The following RALGAPA1 variants were observed in gnomAD, a reference collection of about 807,000 sequenced individuals.
The protein encoded by RALGAPA1 is ral GTPase-activating protein subunit alpha-1.
A neutral mutation model predicts 269.6 loss-of-function variants in RALGAPA1; 52 were observed. The ratio of observed to expected loss-of-function variants is 0.19; its 90% CI spans 0.15 to 0.24. The LOEUF is 0.24. RALGAPA1 is among the 10% of genes least tolerant of loss of function. The probability of loss-of-function intolerance (pLI) is 1.00; values close to 1 mark genes in which losing one functional copy is unlikely to be tolerated. For synonymous variants in RALGAPA1, 817 were observed against 1,008.3 expected, an observed-to-expected ratio of 0.81 and a Z score of 3.60; for missense variants, 1,917 against 3,013.9, an observed-to-expected ratio of 0.64 and a Z score of 8.52.
intron 37 of RALGAPA1, among the ~76,000 whole-genome samples, chr14:35,592,466 A>C (rs978991630): frequency 6.6e-6 from 1 of 152,228 alleles, no homozygotes; most frequent in African/African-American, 2.4e-5. Context: ...TCTTCCAAAA[A>C]ACAGAGTGAA....
At position 35,689,668 on chromosome 14, in the gene RALGAPA1, T is replaced by C. The variant is rs1228761680; in HGVS notation, c.2743A>G (p.Ile915Val). The change falls in exon 18 of 42, where the codon ATA becomes GTA. Residue 915 changes from isoleucine (I) to valine (V), a missense_variant. This residue lies in a region of RALGAPA1 where 615 missense variants were observed against 790.0 expected (regional missense o/e 0.78). Coordinates refer to ENST00000680220, the MANE Select transcript of RALGAPA1 (RefSeq NM_001346249.2). Reference sequence around the variant, plus strand: ...GAATCTGCAAGTTCTACTGGACCTATTAAATGACAAAGATGGTCATATATG... The same window carrying C: ...GAATCTGCAAGTTCTACTGGACCTACTAAATGACAAAGATGGTCATATATG... Reference protein sequence around the residue: ...DSIYDHLCHLIGPVELADSAF... With the variant: ...DSIYDHLCHLVGPVELADSAF... 2 of 1,325,038 alleles carry C rather than the reference T, an allele frequency of 1.5e-6. No homozygotes were observed. The highest frequency in any genetic ancestry group is 1.9e-6 in the Non-Finnish European group (2 of 1,040,734). 82.1% of individuals were successfully genotyped at this position (1,325,038 alleles called of 1,614,324 possible). A position where few individuals can be genotyped will look rare whatever the true frequency, so the allele number is the denominator to read the frequency against.
chr14:35,776,503 T>C (rs1480800615), intron 1 of RALGAPA1, among the ~76,000 whole-genome samples: 2 of 152,134 alleles, frequency 1.3e-5, no homozygotes, highest in African/African-American at 2.4e-5. Flanking sequence ...ACACAGACAG[T>C]ACTGCTCTAA....
At position 35,635,635 on chromosome 14, in the gene RALGAPA1, A is replaced by C. The variant is rs79683035; in HGVS notation, c.5677-37T>G. The C allele has an allele frequency of 0.014, 20,350 of 1,477,620 alleles. 1,111 individuals carry two copies. The South Asian group carries it at 0.14, about 10-fold the overall frequency. The allele number at this position is 1,477,620 out of a possible 1,614,324, so 91.5% of individuals were successfully genotyped here. On this transcript the variant is annotated intron_variant, in intron 31 of 41. Coordinates refer to ENST00000680220, the MANE Select transcript of RALGAPA1 (RefSeq NM_001346249.2). ...ATAGAATCATTATAATTGTACATTC[A>C]TAAAATATATGCTTCTTAAAAATTC... is the stretch of plus-strand genomic sequence containing the variant.
In RALGAPA1 at chr14:35,635,548, A is replaced by G; in HGVS notation, c.5727T>C (p.Pro1909=). 6.2e-7 allele frequency: 1 copy of G among 1,607,612 alleles called. No individual in the cohort carries two copies. Among genetic ancestry groups the G allele is most frequent in the Non-Finnish European group, 8.5e-7 (1 of 1,176,972 alleles). ...LCLLDWIMAL[P]LKTLLQPFHA... ...GAAATGGTTGGAGCAGTGTCTTTAG[A>G]GGTAAGGCCATGATCCAGTCCAGAA... The change falls in exon 32 of 42, where the codon CCT becomes CCC. Residue 1909 remains proline (P), a synonymous_variant. Transcript: ENST00000680220.
At chr14:35,652,955 T>A (rs2062942589) in intron 30 of RALGAPA1, among the ~76,000 whole-genome samples, 1 of 152,198 alleles carries the variant, frequency 6.6e-6, no homozygotes, top group South Asian at 2.1e-4. Flanking sequence ...TTTTTAGAAA[T>A]TATTGCCTCA....
At chr14:35,721,643 A>G in intron 16 of RALGAPA1, 45 bp downstream of exon 16, 1 of 1,501,862 alleles carries the variant, frequency 6.7e-7, no homozygotes, top group Non-Finnish European at 9.0e-7. Flanking sequence ...AAGGACTATA[A>G]ATGTAGTGCC....
rs558994276 is a variant in RALGAPA1, at chr14:35,711,225, T to A, written c.2266+10463A>T. On this transcript the variant is annotated intron_variant, in intron 16 of 41. Coordinates refer to ENST00000680220, the MANE Select transcript of RALGAPA1 (RefSeq NM_001346249.2). ...TTGGTTTATTTAGACAGCTAATGTT[T>A]AAAGTGATTACTGCTATAGTTAACA... Among the ~76,000 whole-genome samples, 40 of 152,330 alleles carry A rather than the reference T, an allele frequency of 2.6e-4. 1 individual carries two copies. Among genetic ancestry groups the A allele is most frequent in the Admixed American group, 2.4e-3 (36 of 15,306 alleles).
chr14:35,674,488 C>T, intron 23 of RALGAPA1, 28 bp downstream of exon 23: 1 of 1,553,960 alleles, frequency 6.4e-7, no homozygotes, highest in Non-Finnish European at 8.7e-7. Context: ...ATTTTCTTCT[C>T]CACTTATATC....
Position 35,686,595 on chromosome 14 carries a change from G to A in RALGAPA1, c.4024C>T (p.Pro1342Ser), listed in dbSNP as rs2065957867. The A allele has an allele frequency of 1.9e-6, 3 of 1,610,082 alleles. No individual in the cohort carries two copies. Among genetic ancestry groups the A allele is most frequent in the Non-Finnish European group, 2.5e-6 (3 of 1,178,840 alleles). ...SDIGGSSANV[P>S]DLMDEFIAER... is the part of the protein sequence containing the mutation. ...GCTATAAACTCATCCATCAGATCAG[G>A]AACATTAGCACTGCTGCCGCCAATA... Residue 1342 changes from proline (P) to serine (S), a missense_variant, in exon 19 of 42, where the codon CCT becomes TCT. By Grantham distance (74) the Pro-to-Ser change is moderately conservative. Transcript: ENST00000680220.
intron 34 of RALGAPA1, among the ~76,000 whole-genome samples, chr14:35,626,851 C>G (rs1566861169): frequency 6.6e-6 from 1 of 151,532 alleles, no homozygotes; most frequent in Non-Finnish European, 1.5e-5. Context: ...GCTATAATTT[C>G]TAAGTCAAAT....
chr14:35,781,727 C>G (rs1276985578), intron 1 of RALGAPA1, among the ~76,000 whole-genome samples: 2 of 152,004 alleles, frequency 1.3e-5, no homozygotes, highest in Non-Finnish European at 2.9e-5. Context: ...AAGGTCAAAA[C>G]TCACATGATA....
At chr14:35,626,005 G>A (rs1425046846) in intron 34 of RALGAPA1, among the ~76,000 whole-genome samples, 2 of 151,952 alleles carry the variant, frequency 1.3e-5, no homozygotes, top group Non-Finnish European at 2.9e-5. Flanking sequence ...GACAACATAC[G>A]GACCATTCTA....
At chr14:35,549,518 A>G (rs139365729) in intron 39 of RALGAPA1, among the ~76,000 whole-genome samples, 111 of 152,282 alleles carry the variant, frequency 7.3e-4, no homozygotes, top group South Asian at 3.5e-3. Flanking sequence ...AAGGAAGTTA[A>G]CAGTTTACTT....
At chr14:35,593,985 C>T (rs2058784819) in intron 37 of RALGAPA1, among the ~76,000 whole-genome samples, 1 of 151,940 alleles carries the variant, frequency 6.6e-6, no homozygotes, top group Non-Finnish European at 1.5e-5. Context: ...TAAATCCAAA[C>T]ATATACAGTA....
chr14:35,738,806 T>C (rs1001326355), intron 11 of RALGAPA1, among the ~76,000 whole-genome samples, 156 bp from the exon 12 acceptor site: 5 of 152,192 alleles, frequency 3.3e-5, no homozygotes, highest in African/African-American at 1.2e-4. Context: ...AAAAACAATG[T>C]ATATTCACTG....
In RALGAPA1 at chr14:35,700,319, G is replaced by A; in HGVS notation, c.2267-17C>T. The A allele has an allele frequency of 3.3e-6, 5 of 1,495,522 alleles. No homozygotes were observed. The highest frequency in any genetic ancestry group is 1.8e-6 in the Non-Finnish European group (2 of 1,131,728). The allele number at this position is 1,495,522 out of a possible 1,614,324, so 92.6% of individuals were successfully genotyped here. ...TTCTCATGGCTTTAAAAAAGGAAAA[G>A]AAAGAAGTGGGGAAGGAAAAAAGAA... On this transcript the variant is annotated splice_polypyrimidine_tract_variant and intron_variant, in intron 16 of 41. Coordinates refer to ENST00000680220, the MANE Select transcript of RALGAPA1 (RefSeq NM_001346249.2).
chr14:35,680,139 CTT>C (rs2065293384), intron 21 of RALGAPA1, among the ~76,000 whole-genome samples: 1 of 151,994 alleles, frequency 6.6e-6, no homozygotes, highest in Non-Finnish European at 1.5e-5. Flanking sequence ...AAATATAAAC[CTT>C]TTTATCTCCA....
chr14:35,615,286 T>A (rs756570855), intron 35 of RALGAPA1, among the ~76,000 whole-genome samples: 2 of 152,188 alleles, frequency 1.3e-5, no homozygotes, highest in Admixed American at 6.5e-5. Context: ...TAATAATACA[T>A]ATCATTTTGT....
chr14:35,650,800 A>C (rs1423012101), intron 31 of RALGAPA1, among the ~76,000 whole-genome samples: 2 of 152,184 alleles, frequency 1.3e-5, no homozygotes, highest in Non-Finnish European at 2.9e-5. Context: ...AGAGATGAGA[A>C]TAATTCTCAG....
Sources: allele counts gnomAD v4.1 joint callset (sites outside exome capture counted in the v4.1 genomes callset), GRCh38; gene constraint gnomAD v4.1.1; regional missense constraint gnomAD v4.1.1; transcripts MANE v1.5; gene names NCBI Gene and HGNC (gene_info 2026-07-23, HGNC 2026-07-21).